The following ARHGAP24 variants were observed in gnomAD, a reference collection of about 807,000 sequenced individuals.
ARHGAP24 encodes Rho GTPase activating protein 24, also known as rho GTPase-activating protein 24.
In ARHGAP24, 50 loss-of-function variants were observed where a neutral mutation model predicts 76.4. The observed-to-expected ratio is 0.65, with a 90% CI of 0.52 to 0.83. ARHGAP24 has a LOEUF of 0.83. Ranked by LOEUF, ARHGAP24 falls within the 40% of genes least tolerant of loss-of-function variation. The pLI, the probability that ARHGAP24 is intolerant of heterozygous loss-of-function variation, is 0.00. For missense variants in ARHGAP24, 930 were observed against 914.2 expected (o/e 1.02, Z -0.22); for synonymous variants, 345 against 323.3 (o/e 1.07, Z -0.72).
At chr4:85,804,173 A>G (rs1728695126) in intron 3 of ARHGAP24, among the ~76,000 whole-genome samples, 1 of 152,152 alleles carries the variant, frequency 6.6e-6, no homozygotes, top group Non-Finnish European at 1.5e-5. Flanking sequence ...AATTAGATTT[A>G]GGAAAATCTC....
intron 2 of ARHGAP24, among the ~76,000 whole-genome samples, chr4:85,610,434 G>A (rs1415636825): frequency 9.1e-6 from 1 of 109,528 alleles, no homozygotes; most frequent in Non-Finnish European, 1.7e-5. Flanking sequence ...ACAGAGTGAG[G>A]AGTGAGACTC....
intron 2 of ARHGAP24, among the ~76,000 whole-genome samples, chr4:85,593,814 G>A (rs1728210955): frequency 6.6e-6 from 1 of 152,034 alleles, no homozygotes; most frequent in African/African-American, 2.4e-5. Flanking sequence ...TGGTCTATAT[G>A]TCTGCTTTTA....
At chr4:85,721,210 A>T (rs908291510) in intron 2 of ARHGAP24, among the ~76,000 whole-genome samples, 16 of 152,252 alleles carry the variant, frequency 1.1e-4, no homozygotes, top group Middle Eastern at 3.4e-3. Flanking sequence ...AGCCTGGCCA[A>T]CATGGTGAAA....
intron 3 of ARHGAP24, chr4:85,723,297 T>C (rs937108398): frequency 2.0e-5 from 3 of 152,230 alleles, no homozygotes; most frequent in African/African-American, 7.2e-5. Flanking sequence ...ACTTTTCCAT[T>C]CAGTCTGCTA....
intron 5 of ARHGAP24, among the ~76,000 whole-genome samples, chr4:85,964,360 T>C (rs1167389730): frequency 6.6e-6 from 1 of 152,170 alleles, no homozygotes; most frequent in Non-Finnish European, 1.5e-5. Context: ...CAGTCAATTT[T>C]GTTCACATGA....
intron 3 of ARHGAP24, among the ~76,000 whole-genome samples, chr4:85,752,676 A>G (rs1726309386): frequency 6.6e-6 from 1 of 152,206 alleles, no homozygotes; most frequent in African/African-American, 2.4e-5. Flanking sequence ...TACTTGTACC[A>G]TCATTTCTGT....
At chr4:85,485,749 T>C (rs1459722255) in intron 1 of ARHGAP24, among the ~76,000 whole-genome samples, 4 of 151,748 alleles carry the variant, frequency 2.6e-5, no homozygotes, top group Non-Finnish European at 5.9e-5. Context: ...TTTTTTTTTT[T>C]TTTTTGAGAC....
At chr4:85,788,055 CA>C (rs1203539600) in intron 3 of ARHGAP24, among the ~76,000 whole-genome samples, 12 of 152,248 alleles carry the variant, frequency 7.9e-5, no homozygotes, top group African/African-American at 2.6e-4. Flanking sequence ...GTGAGAGAGA[CA>C]AATCCAGAGA....
intron 3 of ARHGAP24, among the ~76,000 whole-genome samples, chr4:85,760,523 CAGAAATGACAT>C (rs1256814843): frequency 6.6e-6 from 1 of 152,124 alleles, no homozygotes; most frequent in African/African-American, 2.4e-5. Context: ...CATATGGCAA[CAGAAATGACAT>C]TTTATTTCTG....
At chr4:85,732,984 C>A (rs1319013851) in intron 3 of ARHGAP24, among the ~76,000 whole-genome samples, 1 of 150,020 alleles carries the variant, frequency 6.7e-6, no homozygotes, top group African/African-American at 2.4e-5. Context: ...AGGCGTGAGC[C>A]ACCGCGCCCG....
intron 5 of ARHGAP24, among the ~76,000 whole-genome samples, chr4:85,966,191 G>C (rs1009822362): frequency 6.6e-6 from 1 of 152,066 alleles, no homozygotes; most frequent in African/African-American, 2.4e-5. Context: ...ATCCCATCAG[G>C]CCAGGGCCGC....
At chr4:85,878,468 A>G (rs1462956919) in intron 3 of ARHGAP24, among the ~76,000 whole-genome samples, 1 of 152,194 alleles carries the variant, frequency 6.6e-6, no homozygotes, top group African/African-American at 2.4e-5. Context: ...TGGTTCCATC[A>G]TCTTTTAAGA....
At chr4:85,556,485 C>G (rs1231883456) in intron 1 of ARHGAP24, among the ~76,000 whole-genome samples, 1 of 152,106 alleles carries the variant, frequency 6.6e-6, no homozygotes, top group Non-Finnish European at 1.5e-5. Context: ...AGCAACCAGG[C>G]CCTTTGTTCC....
chr4:85,521,157 C>A (rs1724729273), intron 1 of ARHGAP24, among the ~76,000 whole-genome samples: 1 of 152,000 alleles, frequency 6.6e-6, no homozygotes, highest in African/African-American at 2.4e-5. Context: ...GGTCTTTTTC[C>A]CAAACCCTTT....
intron 3 of ARHGAP24, among the ~76,000 whole-genome samples, chr4:85,826,784 G>A (rs1278687280): frequency 1.3e-5 from 2 of 152,116 alleles, no homozygotes; most frequent in Non-Finnish European, 2.9e-5. Flanking sequence ...ACACCTAGGA[G>A]GTTAAATTGC....
At chr4:85,696,818 C>A (rs1336719091) in intron 2 of ARHGAP24, among the ~76,000 whole-genome samples, 2 of 152,152 alleles carry the variant, frequency 1.3e-5, no homozygotes, top group East Asian at 3.9e-4. Context: ...GAGTTCCTTG[C>A]TGACTTATAT....
intron 3 of ARHGAP24, among the ~76,000 whole-genome samples, chr4:85,894,427 G>C (rs1233122997): frequency 6.6e-6 from 1 of 152,140 alleles, no homozygotes; most frequent in African/African-American, 2.4e-5. Context: ...CAAGAAAAAG[G>C]TGTATAGTCA....
intron 2 of ARHGAP24, among the ~76,000 whole-genome samples, chr4:85,617,630 C>T (rs1281588233): frequency 6.6e-6 from 1 of 152,064 alleles, no homozygotes; most frequent in Non-Finnish European, 1.5e-5. Context: ...TGATTAGTCC[C>T]TATTGATGGG....
intron 2 of ARHGAP24, among the ~76,000 whole-genome samples, chr4:85,655,182 T>C (rs1722093150): frequency 6.6e-6 from 1 of 152,164 alleles, no homozygotes. Flanking sequence ...TACTTAGTCA[T>C]GTTGCAAGAG....
Sources: allele counts gnomAD v4.1 joint callset (sites outside exome capture counted in the v4.1 genomes callset), GRCh38; gene constraint gnomAD v4.1.1; transcripts MANE v1.5; gene names NCBI Gene and HGNC (gene_info 2026-07-23, HGNC 2026-07-21).